LMNTD1: variants seen among roughly 807,000 people sequenced by gnomAD.
The protein encoded by LMNTD1 is lamin tail domain containing 1.
In LMNTD1, 35 loss-of-function variants were observed where a neutral mutation model predicts 50.9. The ratio of observed to expected loss-of-function variants is 0.69; its 90% CI spans 0.53 to 0.91. The LOEUF is 0.91. Among genes scored for constraint, LMNTD1 ranks in the 40% least tolerant of loss-of-function variants. The pLI is 0.00. For missense variants in LMNTD1, 470 were observed against 475.5 expected, an observed-to-expected ratio of 0.99 and a Z score of 0.11; for synonymous variants, 153 against 161.9, an observed-to-expected ratio of 0.94 and a Z score of 0.42.
chr12:25,552,016 C>T (rs917273865), intron 2 of LMNTD1, among the ~76,000 whole-genome samples: 5 of 152,016 alleles, frequency 3.3e-5, no homozygotes, highest in African/African-American at 9.7e-5. Context: ...TCTCAGAGGA[C>T]CTCTAAGAAC....
chr12:25,496,169 C>A (rs973184933), intron 9 of LMNTD1, among the ~76,000 whole-genome samples: 1 of 152,054 alleles, frequency 6.6e-6, no homozygotes, highest in African/African-American at 2.4e-5. Context: ...GTTCCTATTA[C>A]AAATCTTTGA....
At chr12:25,585,549 C>A (rs1945485304) in intron 1 of LMNTD1, among the ~76,000 whole-genome samples, 1 of 152,148 alleles carries the variant, frequency 6.6e-6, no homozygotes, top group African/African-American at 2.4e-5. Flanking sequence ...GAAAAGTAAT[C>A]CTTTTCCCCC....
chr12:25,523,327 G>A (rs895892042), intron 6 of LMNTD1, among the ~76,000 whole-genome samples: 5 of 152,058 alleles, frequency 3.3e-5, no homozygotes, highest in African/African-American at 4.8e-5. Context: ...CCACTGCGCT[G>A]GCCTAGGCTT....
chr12:25,636,802 C>A (rs1029183936), intron 1 of LMNTD1, among the ~76,000 whole-genome samples: 7 of 151,928 alleles, frequency 4.6e-5, no homozygotes, highest in African/African-American at 1.7e-4. Flanking sequence ...TACTACTAAG[C>A]CATAAAAAGG....
intron 1 of LMNTD1, among the ~76,000 whole-genome samples, chr12:25,619,522 C>G (rs1007999178): frequency 6.6e-6 from 1 of 152,142 alleles, no homozygotes; most frequent in African/African-American, 2.4e-5. Flanking sequence ...GAGGCCTGGG[C>G]CCTCTTTTCT....
intron 4 of LMNTD1, among the ~76,000 whole-genome samples, chr12:25,539,487 C>T (rs10842576): frequency 0.61 from 90,668 of 148,016 alleles, 29,107 homozygotes; most frequent in Non-Finnish European, 0.71. Context: ...GGGTACATAA[C>T]GAAATGAAGG....
At chr12:25,562,817 T>C (rs1944393439) in intron 1 of LMNTD1, among the ~76,000 whole-genome samples, 1 of 152,264 alleles carries the variant, frequency 6.6e-6, no homozygotes, top group South Asian at 2.1e-4. Flanking sequence ...CCATATTTCT[T>C]GGAGGCTTTG....
chr12:25,562,947 A>G (rs1292651168), intron 1 of LMNTD1, among the ~76,000 whole-genome samples: 1 of 152,186 alleles, frequency 6.6e-6, no homozygotes, highest in Admixed American at 6.5e-5. Flanking sequence ...AAGCTTGTGT[A>G]TGCATCACGT....
intron 1 of LMNTD1, among the ~76,000 whole-genome samples, chr12:25,623,008 G>A (rs956489171): frequency 6.6e-6 from 1 of 151,992 alleles, no homozygotes; most frequent in African/African-American, 2.4e-5. Flanking sequence ...AGCTCTAATA[G>A]AGATGGGCAC....
intron 1 of LMNTD1, among the ~76,000 whole-genome samples, chr12:25,646,801 T>C (rs527639120): frequency 6.6e-6 from 1 of 152,342 alleles, no homozygotes; most frequent in South Asian, 2.1e-4. Context: ...TAAGGATCTA[T>C]TGGAGCTTAG....
chr12:25,624,190 G>GGGTGCAA (rs1565525443), intron 1 of LMNTD1, among the ~76,000 whole-genome samples: 3 of 91,380 alleles, frequency 3.3e-5, no homozygotes, highest in African/African-American at 1.2e-4. Context: ...CTGTCAATAG[G>GGGTGCAA]GATTGTTCTC....
intron 1 of LMNTD1, among the ~76,000 whole-genome samples, chr12:25,642,396 T>A (rs1488576251): frequency 1.3e-5 from 2 of 152,168 alleles, no homozygotes; most frequent in Non-Finnish European, 2.9e-5. Context: ...TGTGTGAGGA[T>A]CTCATGAGAA....
intron 4 of LMNTD1, among the ~76,000 whole-genome samples, chr12:25,532,334 C>T (rs1358785255): frequency 6.6e-6 from 1 of 152,108 alleles, no homozygotes; most frequent in Non-Finnish European, 1.5e-5. Flanking sequence ...CTGTACTGGT[C>T]TGTTTTGCAT....
chr12:25,632,146 G>T (rs569106601), intron 1 of LMNTD1, among the ~76,000 whole-genome samples: 3 of 152,300 alleles, frequency 2.0e-5, no homozygotes, highest in Admixed American at 2.0e-4. Context: ...CAAGAAGTCT[G>T]GGATTATGGT....
chr12:25,512,965 C>T (rs547039359), intron 8 of LMNTD1, among the ~76,000 whole-genome samples: 5 of 152,086 alleles, frequency 3.3e-5, no homozygotes, highest in African/African-American at 7.2e-5. Context: ...TTGTGAACAC[C>T]GAGGGGCAGG....
At chr12:25,482,907 G>A (rs549240332) in intron 9 of LMNTD1, among the ~76,000 whole-genome samples, 69 of 152,060 alleles carry the variant, frequency 4.5e-4, no homozygotes, top group Middle Eastern at 3.4e-3. Flanking sequence ...AGTGCACTTT[G>A]GAGCGTGTGT....
chr12:25,583,080 C>T (rs903495761), intron 1 of LMNTD1, among the ~76,000 whole-genome samples: 4 of 150,388 alleles, frequency 2.7e-5, no homozygotes, highest in African/African-American at 9.8e-5. Flanking sequence ...GTGGTGCTAT[C>T]TCGGTATCTT....
chr12:25,559,997 G>C (rs1163351955), intron 1 of LMNTD1, among the ~76,000 whole-genome samples: 1 of 152,206 alleles, frequency 6.6e-6, no homozygotes, highest in African/African-American at 2.4e-5. Context: ...TAAGTTGCCT[G>C]TTCACTCTGA....
chr12:25,571,109 A>T (rs1473447230), intron 1 of LMNTD1, among the ~76,000 whole-genome samples: 1 of 152,180 alleles, frequency 6.6e-6, no homozygotes, highest in Non-Finnish European at 1.5e-5. Flanking sequence ...ATTTTTAACA[A>T]GGGGTCCCGT....
Sources: gnomAD v4.1 joint callset for allele counts (sites outside exome capture counted in the v4.1 genomes callset) on GRCh38, gnomAD v4.1.1 for gene constraint, MANE v1.5 for transcripts, NCBI Gene and HGNC (gene_info 2026-07-23, HGNC 2026-07-21) for gene names.